Variants in ZNF793 observed in about 807,000 individuals in gnomAD.
The protein encoded by ZNF793 is zinc finger protein 793.
Under a neutral mutation model 12.4 loss-of-function variants are expected in ZNF793, and 5 were observed. That is an observed-to-expected ratio of 0.40 (90% CI 0.21 to 0.84). The LOEUF is 0.84. ZNF793 is among the 40% of genes least tolerant of loss of function. ZNF793 has a pLI of 0.35. For missense variants in ZNF793, 456 were observed against 495.0 expected (o/e 0.92, Z 0.75); for synonymous variants, 162 against 172.4 (o/e 0.94, Z 0.47).
chr19:37,528,086 G>A (rs575797979), intron 5 of ZNF793, among the ~76,000 whole-genome samples: 1 of 152,044 alleles, frequency 6.6e-6, no homozygotes, highest in African/African-American at 2.4e-5. Flanking sequence ...CCGAGACTGC[G>A]CCACTGCACT....
intron 2 of ZNF793, among the ~76,000 whole-genome samples, chr19:37,515,182 G>A (rs544902968): frequency 1.3e-5 from 2 of 152,332 alleles, no homozygotes; most frequent in African/African-American, 4.8e-5. Flanking sequence ...TGTATTTGTA[G>A]ATGAAATAAT....
intron 2 of ZNF793, among the ~76,000 whole-genome samples, chr19:37,514,046 C>G (rs2042312438): frequency 6.6e-6 from 1 of 151,884 alleles, no homozygotes; most frequent in Non-Finnish European, 1.5e-5. Context: ...CATTAGCAAA[C>G]CTTATCAAGT....
Position 37,530,084 on chromosome 19 carries a change from A to G in ZNF793, c.16-2272A>G, listed in dbSNP as rs1056461294. ...ACGTGAACAAAGGTCTCTGCATCATAGACAAGGTAAATAATTAAGTGCTGT... is the reference window on the plus strand; with the variant it reads ...ACGTGAACAAAGGTCTCTGCATCATGGACAAGGTAAATAATTAAGTGCTGT... On this transcript the variant is annotated intron_variant, in intron 5 of 7. Transcript: ENST00000627814. Among the ~76,000 whole-genome samples, 5 of 152,224 alleles carry G rather than the reference A, an allele frequency of 3.3e-5. No individual in the cohort carries two copies. The East Asian group carries it at 7.7e-4, about 24-fold the overall frequency.
intron 2 of ZNF793, among the ~76,000 whole-genome samples, chr19:37,519,048 C>T (rs923423789): frequency 2.0e-5 from 3 of 152,070 alleles, no homozygotes; most frequent in South Asian, 2.1e-4. Flanking sequence ...GGGCGGATCA[C>T]GAGGTCAGGA....
chr19:37,530,210 A>G (rs1232329412), intron 5 of ZNF793, among the ~76,000 whole-genome samples: 1 of 152,082 alleles, frequency 6.6e-6, no homozygotes, highest in Non-Finnish European at 1.5e-5. Context: ...CCCCTATCTC[A>G]GTAGATGGAA....
intron 7 of ZNF793, 147 bp downstream of exon 7, chr19:37,533,550 G>A (rs2042479547): frequency 3.1e-6 from 2 of 635,348 alleles, no homozygotes; most frequent in South Asian, 1.9e-5. Context: ...CAACCCCACC[G>A]CCCATATCTG....
intron 2 of ZNF793, among the ~76,000 whole-genome samples, chr19:37,518,584 G>A (rs913852228): frequency 4.7e-5 from 7 of 149,568 alleles, no homozygotes; most frequent in African/African-American, 7.4e-5. Flanking sequence ...GCTTGAGTCC[G>A]GGAGTCCAAG....
chr19:37,523,584 A>T lies in ZNF793; in HGVS notation c.15+130A>T, dbSNP rs906224462. ...GGTTCTCAGGGAAGCTGACTCATAG[A>T]TGGAGATTTTTCTCACAGGAGGTTG... On this transcript the variant is annotated intron_variant, in intron 5 of 7. Transcript: ENST00000627814. The T allele has an allele frequency of 6.0e-6, 5 of 833,670 alleles. No homozygotes were observed. In the Admixed American group the frequency reaches 6.9e-5, roughly 12 times the overall value. The allele number at this position is 833,670 out of a possible 1,614,324, so 51.6% of individuals were successfully genotyped here.
upstream of ZNF793, chr19:37,506,774 G>A (rs957525083): frequency 5.9e-5 from 9 of 152,198 alleles, no homozygotes; most frequent in South Asian, 2.1e-4. Flanking sequence ...TTAATCATCC[G>A]TTTTACGGCA....
At chr19:37,520,942 C>T (rs1390201949) in intron 3 of ZNF793, among the ~76,000 whole-genome samples, 1 of 151,104 alleles carries the variant, frequency 6.6e-6, no homozygotes, top group East Asian at 1.9e-4. Flanking sequence ...GGCTGGAGTA[C>T]AATGGCAGAA....
rs968561198 is a variant in ZNF793, at chr19:37,541,248, A to G, written c.*3369A>G. 2.0e-5 allele frequency: 3 copies of G among 152,232 alleles called. No homozygotes were observed. Among genetic ancestry groups the G allele is most frequent in the Admixed American group, 6.5e-5 (1 of 15,282 alleles). The allele number at this position is 152,232 out of a possible 1,614,324, so 9.4% of individuals were successfully genotyped here. A position where few individuals can be genotyped will look rare whatever the true frequency, so the allele number is the denominator to read the frequency against. ...ATTTGGATTAACAGCACAAAAATAAATTCTGGGTGGCTTTAAGACGTAAAA... is the reference window on the plus strand; with the variant it reads ...ATTTGGATTAACAGCACAAAAATAAGTTCTGGGTGGCTTTAAGACGTAAAA... On this transcript the variant is annotated 3_prime_UTR_variant, in exon 8 of 8. Coordinates refer to ENST00000627814, the MANE Select transcript of ZNF793 (RefSeq NM_001013659.3).
chr19:37,530,954 A>G (rs1409321584), intron 5 of ZNF793, among the ~76,000 whole-genome samples: 1 of 152,024 alleles, frequency 6.6e-6, no homozygotes. Flanking sequence ...AATTCTGTTT[A>G]TTTAGATCAG....
chr19:37,528,285 G>A (rs1024114905), intron 5 of ZNF793, among the ~76,000 whole-genome samples: 1 of 152,098 alleles, frequency 6.6e-6, no homozygotes, highest in African/African-American at 2.4e-5. Flanking sequence ...CAATACAGAC[G>A]GAGCCTTGCC....
intron 5 of ZNF793, among the ~76,000 whole-genome samples, chr19:37,525,581 C>T (rs1478357688): frequency 2.0e-5 from 3 of 151,676 alleles, no homozygotes; most frequent in South Asian, 2.1e-4. Context: ...GGACTACAGG[C>T]GCCCACCATC....
chr19:37,543,208 C>T lies in ZNF793; in HGVS notation c.*5329C>T, dbSNP rs746250851. 1.3e-5 allele frequency: 2 copies of T among 152,186 alleles called. No homozygotes were observed. 9.4% of individuals were successfully genotyped at this position (152,186 alleles called of 1,614,324 possible). ...AGAAGAATACACACGAAGGTGTTAA[C>T]ATTCATTGGTTACCTTGGTGGAGAA... On this transcript the variant is annotated 3_prime_UTR_variant, in exon 8 of 8. Transcript: ENST00000627814.
At chr19:37,513,791 A>G (rs1184514754) in intron 2 of ZNF793, among the ~76,000 whole-genome samples, 2 of 152,182 alleles carry the variant, frequency 1.3e-5, no homozygotes. Flanking sequence ...TGTATTTTTT[A>G]ATGAAGATGG....
At chr19:37,523,341 A>G in intron 4 of ZNF793, 69 bp from the exon 5 acceptor site, 1 of 1,251,204 alleles carries the variant, frequency 8.0e-7, no homozygotes, top group Non-Finnish European at 1.2e-6. Flanking sequence ...TTTCCAAGAC[A>G]GGCCTAGCTC....
At chr19:37,518,187 G>A (rs530353122) in intron 2 of ZNF793, among the ~76,000 whole-genome samples, 2 of 151,920 alleles carry the variant, frequency 1.3e-5, no homozygotes, top group Admixed American at 6.6e-5. Context: ...GTGCAGTGGC[G>A]CAATCTCGGC....
chr19:37,535,681 C>A (rs551980210), intron 7 of ZNF793: 2 of 152,122 alleles, frequency 1.3e-5, no homozygotes, highest in Admixed American at 1.3e-4. Flanking sequence ...TGTGCCACCA[C>A]GCCCAGCTTA....
Sources: gnomAD v4.1 joint callset for allele counts (sites outside exome capture counted in the v4.1 genomes callset) on GRCh38, gnomAD v4.1.1 for gene constraint, MANE v1.5 for transcripts, NCBI Gene and HGNC (gene_info 2026-07-23, HGNC 2026-07-21) for gene names.